Variants in TSPEAR observed in about 807,000 individuals in gnomAD.
TSPEAR encodes thrombospondin-type laminin G domain and EAR repeat-containing protein.
In TSPEAR, 69 loss-of-function variants were observed where a neutral mutation model predicts 71.6. That is an observed-to-expected ratio of 0.96 (90% CI 0.79 to 1.18). The LOEUF (loss-of-function observed/expected upper bound fraction) is 1.18. TSPEAR is among the 50% of genes most tolerant of loss of function. TSPEAR has a pLI of 0.00. For missense variants in TSPEAR, 971 were observed against 894.9 expected (o/e 1.09, Z -1.09); for synonymous variants, 402 against 387.2 (o/e 1.04, Z -0.45).
Position 44,540,069 on chromosome 21 carries a change from C to T in TSPEAR, c.304-6146G>A, listed in dbSNP as rs782783233. 5.0e-6 allele frequency: 8 copies of T among 1,613,440 alleles called. No individual in the cohort carries two copies. The South Asian group carries it at 7.7e-5, about 16-fold the overall frequency. On this transcript the variant is annotated intron_variant, in intron 2 of 11. Coordinates refer to ENST00000323084, the MANE Select transcript of TSPEAR (RefSeq NM_144991.3). The stretch of plus-strand genomic sequence containing the variant: ...CAGCTGAGGGCGCAGCAGTGGGGCT[C>T]ACAGCAGCTCTCTGGGCAGGCATCC...
chr21:44,697,717 G>T (rs375051486), intron 1 of TSPEAR: 2 of 1,612,376 alleles, frequency 1.2e-6, no homozygotes, highest in African/African-American at 2.7e-5. Flanking sequence ...CCTCCTCTCT[G>T]TGCTGCCAGC....
intron 1 of TSPEAR, chr21:44,658,319 T>C (rs956323347): frequency 3.2e-5 from 50 of 1,563,022 alleles, no homozygotes; most frequent in Non-Finnish European, 4.0e-5. Context: ...CCTCCGTGAA[T>C]AAGCATCTGG....
intron 2 of TSPEAR, chr21:44,540,287 T>C: frequency 7.1e-7 from 1 of 1,409,120 alleles, no homozygotes; most frequent in African/African-American, 1.4e-5. Flanking sequence ...TCTGGCCTTG[T>C]TGTTCCAGGG....
rs1239057121 is a variant in TSPEAR, at chr21:44,506,615, T to A, written c.1755-1734A>T. On this transcript the variant is annotated intron_variant, in intron 10 of 11. Transcript: ENST00000323084. This position sits in a 1 kb window ranked among gnomAD's most constrained non-coding sequence, Gnocchi z 4.2. ...GGGTGACATCTGGAGCCACCTCCATTAATGGTGGGTTATGATTTGGTTCCC... is the reference window on the plus strand; with the variant it reads ...GGGTGACATCTGGAGCCACCTCCATAAATGGTGGGTTATGATTTGGTTCCC... 6.6e-6 allele frequency among the ~76,000 whole-genome samples: 1 copy of A among 152,182 alleles called. No homozygotes were observed. The highest frequency in any genetic ancestry group is 1.5e-5 in the Non-Finnish European group (1 of 68,040).
chr21:44,662,325 G>A (rs1008460743), intron 1 of TSPEAR, among the ~76,000 whole-genome samples: 3 of 152,048 alleles, frequency 2.0e-5, no homozygotes, highest in African/African-American at 7.2e-5. Flanking sequence ...CATTAATCAA[G>A]TAAAATTGGA....
In TSPEAR at chr21:44,508,403, C is replaced by A. The variant is rs114664563; in HGVS notation, c.1754+796G>T. On this transcript the variant is annotated intron_variant, in intron 10 of 11. Transcript: ENST00000323084. ...CCGAATGAAATAGGAGTGCATGAAA[C>A]CCGAGGAAACCTGGGAAAGCCGCCT... The A allele has an allele frequency of 8.0e-4, 736 of 919,462 alleles. 7 individuals are homozygous for A. In the African/African-American group the frequency reaches 0.012, roughly 15 times the overall value. 57.0% of individuals were successfully genotyped at this position (919,462 alleles called of 1,614,324 possible). A position where few individuals can be genotyped will look rare whatever the true frequency, so the allele number is the denominator to read the frequency against.
chr21:44,508,475 A>G (rs1360943446), intron 10 of TSPEAR: 21 of 1,020,402 alleles, frequency 2.1e-5, no homozygotes, highest in Non-Finnish European at 2.0e-5. Flanking sequence ...TCCAAGCTTG[A>G]CCCATGGCCC....
intron 1 of TSPEAR, among the ~76,000 whole-genome samples, chr21:44,644,597 A>G (rs587696855): frequency 2.0e-5 from 3 of 152,252 alleles, no homozygotes; most frequent in African/African-American, 7.2e-5. Context: ...GGAATAAAAT[A>G]GTCTTTTATT....
At chr21:44,628,410 G>A in intron 1 of TSPEAR, 1 of 321,206 alleles carries the variant, frequency 3.1e-6, no homozygotes, top group South Asian at 5.0e-5. Context: ...CGCACCCAGG[G>A]CGGGAGGGGG....
At chr21:44,594,713 G>A (rs587663985) in intron 1 of TSPEAR, among the ~76,000 whole-genome samples, 39 of 152,164 alleles carry the variant, frequency 2.6e-4, no homozygotes, top group African/African-American at 8.9e-4. Flanking sequence ...CCTGGCTCTC[G>A]TCTTGGCCAG....
chr21:44,646,565 G>C, intron 1 of TSPEAR: 1 of 1,612,380 alleles, frequency 6.2e-7, no homozygotes, highest in Non-Finnish European at 8.5e-7. Flanking sequence ...GCCCCCAGCT[G>C]CTGCGCCCCG....
At chr21:44,663,137 A>G (rs1175403530) in intron 1 of TSPEAR, among the ~76,000 whole-genome samples, 1 of 152,092 alleles carries the variant, frequency 6.6e-6, no homozygotes, top group Non-Finnish European at 1.5e-5. Flanking sequence ...AGAAAATGGA[A>G]AAGAATTCAA....
intron 2 of TSPEAR, among the ~76,000 whole-genome samples, chr21:44,538,566 C>T (rs2003835): frequency 1.4e-5 from 2 of 147,448 alleles, no homozygotes; most frequent in Non-Finnish European, 3.0e-5. Context: ...CCTCTCCCCT[C>T]GCATTGCTGC....
intron 1 of TSPEAR, chr21:44,637,577 C>T: frequency 6.2e-7 from 1 of 1,613,854 alleles, no homozygotes; most frequent in Admixed American, 1.7e-5. Flanking sequence ...CCCCTGCTGC[C>T]AGACGGCCTG....
intron 1 of TSPEAR, chr21:44,677,734 T>C: frequency 7.2e-7 from 1 of 1,390,590 alleles, no homozygotes; most frequent in Non-Finnish European, 1.0e-6. Context: ...AATTCTTTTG[T>C]TACTTCTGAT....
rs73907031 is a variant in TSPEAR, at chr21:44,576,635, A to G, written c.83-8630T>C. ...TCCAGAGAAGGGGACTCTGTGGAAG[A>G]GTCTTCATTAAACTACAGTGCTGTT... is the stretch of plus-strand genomic sequence containing the variant. On this transcript the variant is annotated intron_variant, in intron 1 of 11. Coordinates refer to ENST00000323084, the MANE Select transcript of TSPEAR (RefSeq NM_144991.3). Among the ~76,000 whole-genome samples, 780 of 152,344 alleles carry G rather than the reference A, an allele frequency of 5.1e-3. 7 individuals are homozygous for G. The highest frequency in any genetic ancestry group is 0.017 in the African/African-American group (727 of 41,570).
chr21:44,697,755 C>T (rs782260028), intron 1 of TSPEAR: 3 of 1,614,096 alleles, frequency 1.9e-6, no homozygotes, highest in South Asian at 2.2e-5. Context: ...GCTTGCTGCA[C>T]CACCTCCTGC....
intron 1 of TSPEAR, among the ~76,000 whole-genome samples, chr21:44,696,767 G>A (rs76872845): frequency 0.01 from 1,558 of 152,264 alleles, 26 homozygotes; most frequent in African/African-American, 0.036. Flanking sequence ...TGTGGTCCAC[G>A]CAGAGGCTGG....
intron 1 of TSPEAR, among the ~76,000 whole-genome samples, chr21:44,604,942 T>A (rs587627569): frequency 6.6e-6 from 1 of 152,358 alleles, no homozygotes; most frequent in South Asian, 2.1e-4. Context: ...TCCCACTGGA[T>A]CATAGTGAAG....
Sources: allele counts gnomAD v4.1 joint callset (sites outside exome capture counted in the v4.1 genomes callset), GRCh38; gene constraint gnomAD v4.1.1; non-coding constraint Gnocchi (gnomAD v3.1); transcripts MANE v1.5; gene names NCBI Gene and HGNC (gene_info 2026-07-23, HGNC 2026-07-21).